The following BTD variants were observed in gnomAD, a reference collection of about 807,000 sequenced individuals.
The protein encoded by BTD is biotinidase, also known as biocytinase.
BTD carries 13 observed loss-of-function variants against 17.7 expected under a neutral mutation model. The ratio of observed to expected loss-of-function variants is 0.74; its 90% CI spans 0.48 to 1.17. The LOEUF (loss-of-function observed/expected upper bound fraction) is 1.17. Ranked by LOEUF, BTD falls within the 50% of genes most tolerant of loss-of-function variation. The probability of loss-of-function intolerance (pLI) is 0.00; values close to 1 mark genes in which losing one functional copy is unlikely to be tolerated. For synonymous variants in BTD, 240 were observed against 245.2 expected, an observed-to-expected ratio of 0.98 and a Z score of 0.20; for missense variants, 674 against 650.4, an observed-to-expected ratio of 1.04 and a Z score of -0.39.
At chr3:15,674,188 A>AAAAAAAAAAAG in intron 3 of BTD, among the ~76,000 whole-genome samples, 1 of 150,088 alleles carries the variant, frequency 6.7e-6, no homozygotes, top group Non-Finnish European at 1.5e-5. Context: ...AAAAAAAAAA[A>AAAAAAAAAAAG]AAAAAAAAAA....
chr3:15,629,457 T>C (rs2065149205), intron 1 of BTD, among the ~76,000 whole-genome samples: 1 of 152,154 alleles, frequency 6.6e-6, no homozygotes, highest in Non-Finnish European at 1.5e-5. Context: ...ACCCAGAATC[T>C]CCCTTGGGAG....
intron 3 of BTD, among the ~76,000 whole-genome samples, chr3:15,682,917 A>G (rs1378389452): frequency 6.6e-6 from 1 of 152,224 alleles, no homozygotes; most frequent in Admixed American, 6.5e-5. Context: ...GCTGAAAATC[A>G]GACACATTTG....
rs777520177 is a variant in BTD at position 15,670,482 on chromosome 3, T to G, written c.399+28425T>G. On this transcript the variant is annotated intron_variant, in intron 3 of 3. Coordinates refer to the BTD transcript ENST00000672141. Reference sequence around the variant, plus strand: ...AAAGGACTACTTGATGAGACAGGCATCATGGTGGCCAAAATGAGAGCCAGG... The same window carrying G: ...AAAGGACTACTTGATGAGACAGGCAGCATGGTGGCCAAAATGAGAGCCAGG... 6 of 1,613,984 alleles carry G rather than the reference T, an allele frequency of 3.7e-6. No individual in the cohort carries two copies. The East Asian group carries it at 1.3e-4, about 36-fold the overall frequency.
At chr3:15,691,376 G>T (rs1343560892) in intron 3 of BTD, among the ~76,000 whole-genome samples, 1 of 152,154 alleles carries the variant, frequency 6.6e-6, no homozygotes, top group Non-Finnish European at 1.5e-5. Flanking sequence ...GCCCGCCTCG[G>T]CCTCCCAAAG....
At chr3:15,677,652 CA>C in intron 3 of BTD, 1 of 899,478 alleles carries the variant, frequency 1.1e-6, no homozygotes, top group Non-Finnish European at 1.7e-6. Flanking sequence ...AGATACAAAG[CA>C]AAAAAGTCCC....
intron 3 of BTD, chr3:15,685,438 G>C (rs2067998181): frequency 6.2e-7 from 1 of 1,613,884 alleles, no homozygotes; most frequent in Non-Finnish European, 8.5e-7. Context: ...TTCATGGCCT[G>C]TAACTGCCTG....
intron 3 of BTD, chr3:15,679,252 G>C: frequency 6.6e-7 from 1 of 1,524,144 alleles, no homozygotes; most frequent in Non-Finnish European, 9.1e-7. Flanking sequence ...TTATAGGCAT[G>C]AGCCACTGTG....
Position 15,644,819 on chromosome 3 carries a change from G to T in BTD, c.903G>T (p.Trp301Cys). The T allele has an allele frequency of 6.2e-7, 1 of 1,614,174 alleles. No individual in the cohort carries two copies. The highest frequency in any genetic ancestry group is 8.5e-7 in the Non-Finnish European group (1 of 1,180,046). ...TACACACCCCTCTGGAGTCCTTTTG[G>T]TACCATGACATGGAAAATCCCAAAA... ...SGIHTPLESF[W>C]YHDMENPKSH... Residue 301 changes from tryptophan (W) to cysteine (C), a missense_variant, in exon 4 of 4, where the codon TGG (tryptophan) becomes TGT (cysteine). By Grantham distance (215) the Trp-to-Cys change is radical (BLOSUM62 -2). Coordinates refer to ENST00000643237, the MANE Select transcript of BTD (RefSeq NM_001370658.1).
rs1313805932 is a variant in BTD, at chr3:15,648,758, T to C, written c.*3270T>C. Among the ~76,000 whole-genome samples, 2 of 152,188 alleles carry C rather than the reference T, an allele frequency of 1.3e-5. No homozygotes were observed. The highest frequency in any genetic ancestry group is 2.4e-5 in the African/African-American group (1 of 41,438). On this transcript the variant is annotated 3_prime_UTR_variant, in exon 4 of 4. Coordinates refer to ENST00000643237, the MANE Select transcript of BTD (RefSeq NM_001370658.1). ...AGGGTCTTTGCAGATGCAATGAAGA[T>C]ATAAGTTAAAATGAGATCACACTAG... is the stretch of plus-strand genomic sequence containing the variant.
At chr3:15,605,086 C>T (rs114231639) in intron 1 of BTD, among the ~76,000 whole-genome samples, 1 of 152,204 alleles carries the variant, frequency 6.6e-6, no homozygotes, top group African/African-American at 2.4e-5. Context: ...GCTGTCTTTA[C>T]AGTAGTGCCC....
intron 3 of BTD, chr3:15,685,062 C>T (rs1349546546): frequency 1.5e-6 from 1 of 647,864 alleles, no homozygotes; most frequent in African/African-American, 1.8e-5. Flanking sequence ...TGACAAAGGA[C>T]AGGAGTGAGC....
In BTD at chr3:15,721,026, C is replaced by G. The variant is rs2073669540; in HGVS notation, c.1016-744C>G. 4 of 1,613,856 alleles carry G rather than the reference C, an allele frequency of 2.5e-6. No homozygotes were observed. The East Asian group carries it at 8.9e-5, about 36-fold the overall frequency. ...TAAATCCTTTTTCATTCTTTTGATT[C>G]ACAATAGCACCACAGTCTATAAGTT... On this transcript the variant is annotated intron_variant, in intron 4 of 4. Coordinates refer to the BTD transcript ENST00000672427.
At chr3:15,711,569 C>G (rs748974008) in exon 4 of BTD, among the ~76,000 whole-genome samples, 1 of 152,122 alleles carries the variant, frequency 6.6e-6, no homozygotes, top group Non-Finnish European at 1.5e-5. Flanking sequence ...AGGAACTGTT[C>G]AGAACAGGCA....
Position 15,645,131 on chromosome 3 carries a change from T to C in BTD, c.1215T>C (p.Tyr405=). 6.2e-7 allele frequency: 1 copy of C among 1,614,198 alleles called. No homozygotes were observed. Among genetic ancestry groups the C allele is most frequent in the Non-Finnish European group, 8.5e-7 (1 of 1,180,038 alleles). Residue 405 remains tyrosine, a synonymous_variant, in exon 4 of 4, where the codon TAT becomes TAC. Coordinates refer to ENST00000643237, the MANE Select transcript of BTD (RefSeq NM_001370658.1). ...LHVCSNGLCC[Y]LLYERPTLSK... ...TCTGTTCCAATGGCCTCTGCTGTTA[T>C]TTACTTTACGAGAGGCCCACCTTAT...
downstream of BTD, among the ~76,000 whole-genome samples, chr3:15,714,117 C>T (rs566033455): frequency 3.9e-5 from 6 of 152,150 alleles, no homozygotes; most frequent in South Asian, 1.2e-3. Context: ...AAGTAATACA[C>T]CTAAAAGTTC....
At chr3:15,661,979 A>T (rs939372202) in intron 3 of BTD, among the ~76,000 whole-genome samples, 1 of 152,214 alleles carries the variant, frequency 6.6e-6, no homozygotes, top group African/African-American at 2.4e-5. Flanking sequence ...TGTTCCACTG[A>T]TCTGTCCATT....
rs560763557 is a variant in BTD at position 15,623,378 on chromosome 3, A to C, written c.-16-12046A>C. Among the ~76,000 whole-genome samples, 7 of 152,310 alleles carry C rather than the reference A, an allele frequency of 4.6e-5. No homozygotes were observed. In the South Asian group the frequency reaches 1.4e-3, roughly 32 times the overall value. On this transcript the variant is annotated intron_variant, in intron 1 of 3. Coordinates refer to ENST00000643237, the MANE Select transcript of BTD (RefSeq NM_001370658.1). Reference sequence around the variant, plus strand: ...ATGATCTCTTGTTTCGAATTGATATATTTATACCATTGACTTTTAAAGTGA... The same window carrying C: ...ATGATCTCTTGTTTCGAATTGATATCTTTATACCATTGACTTTTAAAGTGA...
In BTD at chr3:15,721,108, T is replaced by C. The variant is rs1270276657; in HGVS notation, c.1016-662T>C. 19 of 1,612,046 alleles carry C rather than the reference T, an allele frequency of 1.2e-5. No homozygotes were observed. In the East Asian group the frequency reaches 1.6e-4, roughly 13 times the overall value. ...GGCTACATGAAGAGGTGTATTTCCA[T>C]AGGCATTTGGTTCATTCATCTATTA... On this transcript the variant is annotated intron_variant, in intron 4 of 4. Coordinates refer to the BTD transcript ENST00000672427.
At chr3:15,685,503 T>A in intron 3 of BTD, 1 of 1,519,622 alleles carries the variant, frequency 6.6e-7, no homozygotes, top group Non-Finnish European at 9.1e-7. Flanking sequence ...TACATGCCAA[T>A]TTCAGCTAAT....
Sources: gnomAD v4.1 joint callset for allele counts (sites outside exome capture counted in the v4.1 genomes callset) on GRCh38, gnomAD v4.1.1 for gene constraint, MANE v1.5 for transcripts, NCBI Gene and HGNC (gene_info 2026-07-23, HGNC 2026-07-21) for gene names.